The following KCNH8 variants were observed in gnomAD, a reference collection of about 807,000 sequenced individuals.
KCNH8 encodes the protein potassium voltage-gated channel subfamily H member 8.
Under a neutral mutation model 103.6 loss-of-function variants are expected in KCNH8, and 70 were observed. The ratio of observed to expected loss-of-function variants is 0.68; its 90% CI spans 0.56 to 0.82. The LOEUF is 0.82. Ranked by LOEUF, KCNH8 falls within the 40% of genes least tolerant of loss-of-function variation. The pLI is 0.00. For synonymous variants in KCNH8, 498 were observed against 489.4 expected (o/e 1.02, Z -0.23); for missense variants, 1,217 against 1,329.9 (o/e 0.92, Z 1.32).
At chr3:19,397,420 T>C (rs941911121) in intron 7 of KCNH8, among the ~76,000 whole-genome samples, 1 of 151,642 alleles carries the variant, frequency 6.6e-6, no homozygotes, top group African/African-American at 2.4e-5. Flanking sequence ...ACCATATAAT[T>C]TGAAAGTCTA....
chr3:19,196,442 T>C (rs78299725), intron 1 of KCNH8, among the ~76,000 whole-genome samples: 2,964 of 151,486 alleles, frequency 0.02, 89 homozygotes, highest in African/African-American at 0.066. Context: ...GTACTTTTAC[T>C]CAGTGAAAGA....
At chr3:19,275,108 T>C (rs1225309492) in intron 2 of KCNH8, among the ~76,000 whole-genome samples, 2 of 151,246 alleles carry the variant, frequency 1.3e-5, no homozygotes, top group Non-Finnish European at 2.9e-5. Context: ...AGAATCCTAC[T>C]ATATATTTCT....
intron 7 of KCNH8, among the ~76,000 whole-genome samples, chr3:19,424,704 C>G (rs1439995480): frequency 6.6e-6 from 1 of 152,010 alleles, no homozygotes; most frequent in African/African-American, 2.4e-5. Flanking sequence ...ATGCATCTGA[C>G]AAAGGACTAA....
chr3:19,300,091 A>G (rs749914131), intron 3 of KCNH8, among the ~76,000 whole-genome samples: 21 of 152,020 alleles, frequency 1.4e-4, no homozygotes, highest in Non-Finnish European at 2.9e-4. Context: ...TCTACTGAAA[A>G]TACAAAAATT....
At chr3:19,251,319 G>A (rs1575469414) in intron 1 of KCNH8, among the ~76,000 whole-genome samples, 1 of 151,916 alleles carries the variant, frequency 6.6e-6, no homozygotes, top group East Asian at 1.9e-4. Context: ...CTAGGGTAAT[G>A]CACCTCACTC....
rs59449459 is a variant in KCNH8 at position 19,376,247 on chromosome 3, C to T, written c.812-14234C>T. On this transcript the variant is annotated intron_variant, in intron 5 of 15. Transcript: ENST00000328405. Reference sequence around the variant, plus strand: ...CTCAGAGTGCTGTGCTAGCAATCAGCGAGACTCTGTGGGCGTAGGACCCTC... The same window carrying T: ...CTCAGAGTGCTGTGCTAGCAATCAGTGAGACTCTGTGGGCGTAGGACCCTC... 7.3e-4 allele frequency among the ~76,000 whole-genome samples: 111 copies of T among 152,284 alleles called. 2 individuals are homozygous for T. In the East Asian group the frequency reaches 0.013, roughly 17 times the overall value.
intron 11 of KCNH8, among the ~76,000 whole-genome samples, chr3:19,473,311 G>A (rs961626109): frequency 4.6e-5 from 7 of 152,216 alleles, no homozygotes; most frequent in East Asian, 1.9e-4. Context: ...ATCAGAAACC[G>A]ACTGGAACTA....
At chr3:19,197,404 A>G (rs1444736222) in intron 1 of KCNH8, among the ~76,000 whole-genome samples, 3 of 152,080 alleles carry the variant, frequency 2.0e-5, no homozygotes, top group Non-Finnish European at 2.9e-5. Flanking sequence ...TATCTCTCCC[A>G]TAAAGTTTCC....
intron 1 of KCNH8, among the ~76,000 whole-genome samples, chr3:19,159,481 C>G (rs1559401972): frequency 6.6e-6 from 1 of 151,890 alleles, no homozygotes; most frequent in Non-Finnish European, 1.5e-5. Flanking sequence ...ACAAGGTGGT[C>G]CCACCTGGTT....
chr3:19,191,244 T>G (rs766049391), intron 1 of KCNH8, among the ~76,000 whole-genome samples: 14 of 151,986 alleles, frequency 9.2e-5, no homozygotes, highest in Non-Finnish European at 1.8e-4. Context: ...TTTTAATACA[T>G]TCTTTAACGT....
At chr3:19,512,917 C>T (rs994545925) in intron 12 of KCNH8, 53 bp from the exon 13 acceptor site, 2 of 1,510,172 alleles carry the variant, frequency 1.3e-6, no homozygotes, top group Non-Finnish European at 1.8e-6. Flanking sequence ...TAATGATATA[C>T]CTTTTCTGCG....
intron 7 of KCNH8, among the ~76,000 whole-genome samples, chr3:19,404,170 G>A (rs891561697): frequency 6.6e-6 from 1 of 151,800 alleles, no homozygotes; most frequent in Non-Finnish European, 1.5e-5. Context: ...TGCTTTTTCT[G>A]TATTTCCTGT....
intron 7 of KCNH8, among the ~76,000 whole-genome samples, chr3:19,430,528 A>C (rs1266919781): frequency 2.6e-5 from 4 of 152,048 alleles, no homozygotes; most frequent in Non-Finnish European, 5.9e-5. Flanking sequence ...AAGAATGCCA[A>C]TGGTAGTTTA....
At chr3:19,438,021 G>A (rs2067226467) in intron 7 of KCNH8, 143 bp from the exon 8 acceptor site, 3 of 689,850 alleles carry the variant, frequency 4.3e-6, no homozygotes, top group Non-Finnish European at 7.6e-6. Flanking sequence ...AAATCTAATA[G>A]CTTGCCTTTA....
chr3:19,206,935 G>T (rs866055280), intron 1 of KCNH8, among the ~76,000 whole-genome samples: 1 of 152,182 alleles, frequency 6.6e-6, no homozygotes. Context: ...AAGACAGGGA[G>T]ACTGGAGGAA....
intron 7 of KCNH8, among the ~76,000 whole-genome samples, chr3:19,434,264 A>G (rs1249457463): frequency 6.6e-6 from 1 of 152,256 alleles, no homozygotes; most frequent in Non-Finnish European, 1.5e-5. Flanking sequence ...TTTGTAATCA[A>G]TGCTATGAAG....
At chr3:19,402,948 T>C (rs2066635126) in intron 7 of KCNH8, among the ~76,000 whole-genome samples, 1 of 151,858 alleles carries the variant, frequency 6.6e-6, no homozygotes, top group Admixed American at 6.6e-5. Flanking sequence ...GACAATAAAG[T>C]TATAGGAAAC....
At chr3:19,218,623 T>C (rs1479828825) in intron 1 of KCNH8, among the ~76,000 whole-genome samples, 1 of 152,238 alleles carries the variant, frequency 6.6e-6, no homozygotes. Flanking sequence ...CCTATTGCAT[T>C]ACTTTGCTAT....
At chr3:19,256,178 G>A (rs1422736921) in intron 2 of KCNH8, among the ~76,000 whole-genome samples, 3 of 152,084 alleles carry the variant, frequency 2.0e-5, no homozygotes, top group Non-Finnish European at 2.9e-5. Flanking sequence ...TGAGATCAAT[G>A]TCAAGAAGGA....
Sources: gnomAD v4.1 joint callset for allele counts (sites outside exome capture counted in the v4.1 genomes callset) on GRCh38, gnomAD v4.1.1 for gene constraint, MANE v1.5 for transcripts, NCBI Gene and HGNC (gene_info 2026-07-23, HGNC 2026-07-21) for gene names.